SAMMSON: variants seen among roughly 807,000 people sequenced by gnomAD.
SAMMSON encodes survival associated mitochondrial melanoma specific oncogenic non-coding RNA.
intron 7 of SAMMSON, among the ~76,000 whole-genome samples, chr3:70,332,277 C>T (rs1702626293): frequency 6.6e-6 from 1 of 152,196 alleles, no homozygotes; most frequent in Non-Finnish European, 1.5e-5. Flanking sequence ...TTAGAACTCT[C>T]ACATAAACAG....
intron 9 of SAMMSON, among the ~76,000 whole-genome samples, chr3:70,376,538 A>T (rs1296161599): frequency 6.6e-6 from 1 of 152,118 alleles, no homozygotes; most frequent in African/African-American, 2.4e-5. Context: ...TTGTCATAGA[A>T]TGTTTTTTTA....
intron 3 of SAMMSON, among the ~76,000 whole-genome samples, chr3:70,060,107 A>G (rs2067182148): frequency 6.6e-6 from 1 of 152,102 alleles, no homozygotes. Flanking sequence ...GAAGAAGAAA[A>G]TTGGGATTTG....
intron 4 of SAMMSON, among the ~76,000 whole-genome samples, chr3:70,198,112 AG>A (rs978864160): frequency 6.6e-6 from 1 of 152,200 alleles, no homozygotes; most frequent in Non-Finnish European, 1.5e-5. Flanking sequence ...GCTTTGTAAA[AG>A]GGTAGGTAAG....
intron 9 of SAMMSON, among the ~76,000 whole-genome samples, chr3:70,374,077 G>C (rs1458331734): frequency 6.6e-6 from 1 of 152,132 alleles, no homozygotes; most frequent in Non-Finnish European, 1.5e-5. Flanking sequence ...ACCACACCCA[G>C]CTAATTTTGT....
At chr3:70,298,373 T>C (rs1354218366) in intron 7 of SAMMSON, among the ~76,000 whole-genome samples, 3 of 152,116 alleles carry the variant, frequency 2.0e-5, no homozygotes, top group African/African-American at 7.2e-5. Flanking sequence ...ATGTTTTTGT[T>C]TAGTTAGCCA....
Position 70,350,454 on chromosome 3 carries a change from T to C in SAMMSON, n.740-3721T>C, listed in dbSNP as rs1474192093. ...GGTATCTAAAATCTGAGTTTGTTTC[T>C]TGATATGTATTTAATAAATTATACT... On this transcript the variant is annotated intron_variant and non_coding_transcript_variant, in intron 7 of 9. Transcript: ENST00000642114. 4.6e-5 allele frequency among the ~76,000 whole-genome samples: 7 copies of C among 152,254 alleles called. No individual in the cohort carries two copies. The East Asian group carries it at 1.3e-3, about 29-fold the overall frequency.
At chr3:70,330,414 A>G (rs1393281590) in intron 7 of SAMMSON, among the ~76,000 whole-genome samples, 1 of 152,030 alleles carries the variant, frequency 6.6e-6, no homozygotes, top group Non-Finnish European at 1.5e-5. Context: ...CAGACAAGCT[A>G]TCTTTATCTA....
chr3:70,156,197 T>G (rs6419768), intron 4 of SAMMSON, among the ~76,000 whole-genome samples: 150,257 of 152,136 alleles, frequency 0.99, 74,229 homozygotes, highest in East Asian at 1. Flanking sequence ...TGAACTTCAA[T>G]GGTCGGATGA....
chr3:70,317,395 T>A (rs1374633597), intron 7 of SAMMSON, among the ~76,000 whole-genome samples: 1 of 152,008 alleles, frequency 6.6e-6, no homozygotes, highest in Non-Finnish European at 1.5e-5. Flanking sequence ...AAAGTATTTT[T>A]AATTAAGATA....
At chr3:70,413,269 T>C (rs887140492) in intron 2 of SAMMSON, among the ~76,000 whole-genome samples, 19 of 152,192 alleles carry the variant, frequency 1.2e-4, no homozygotes, top group Non-Finnish European at 4.4e-5. Flanking sequence ...TTATTTTTCC[T>C]ATATGTCAAG....
chr3:70,001,351 T>C (rs543075255), intron 1 of SAMMSON, among the ~76,000 whole-genome samples: 2 of 152,178 alleles, frequency 1.3e-5, no homozygotes, highest in South Asian at 4.1e-4. Flanking sequence ...TAAGACATAC[T>C]GTTAGTCATT....
intron 4 of SAMMSON, among the ~76,000 whole-genome samples, chr3:70,132,784 AG>A (rs769303687): frequency 0.26 from 31,141 of 119,808 alleles, 3,767 homozygotes; most frequent in East Asian, 0.63. Flanking sequence ...AAAAAAAAAA[AG>A]AAAAGAAAAA....
intron 7 of SAMMSON, among the ~76,000 whole-genome samples, chr3:70,295,622 G>A (rs968109121): frequency 6.6e-6 from 1 of 152,132 alleles, no homozygotes; most frequent in Non-Finnish European, 1.5e-5. Flanking sequence ...AGCCCAAGAG[G>A]TTGAGCCTGC....
At chr3:70,062,940 T>A (rs567519624) in intron 3 of SAMMSON, among the ~76,000 whole-genome samples, 2 of 152,108 alleles carry the variant, frequency 1.3e-5, no homozygotes, top group Non-Finnish European at 2.9e-5. Context: ...AATACAGTAT[T>A]CCAAAAATTT....
intron 7 of SAMMSON, among the ~76,000 whole-genome samples, chr3:70,345,674 C>T (rs530861726): frequency 6.6e-6 from 1 of 152,248 alleles, no homozygotes; most frequent in African/African-American, 2.4e-5. Context: ...ACCTCGGCAA[C>T]CATTAATCGG....
At chr3:69,999,730 AGCGGGCAGACACACT>A (rs1559768698), upstream of SAMMSON, 1 of 152,330 alleles carries the variant, frequency 6.6e-6, no homozygotes, top group Non-Finnish European at 1.5e-5. Context: ...CGCAGGCCCT[AGCGGGCAGACACACT>A]GAAGTCGCTA....
At chr3:70,337,145 TTATTA>T (rs1702670722) in intron 7 of SAMMSON, among the ~76,000 whole-genome samples, 1 of 67,736 alleles carries the variant, frequency 1.5e-5, no homozygotes, top group Non-Finnish European at 3.4e-5. Context: ...CTTAATATTA[TTATTA>T]ATAATAATAT....
intron 7 of SAMMSON, among the ~76,000 whole-genome samples, chr3:70,303,263 G>A (rs1030708206): frequency 6.6e-6 from 1 of 152,096 alleles, no homozygotes; most frequent in African/African-American, 2.4e-5. Context: ...TCCCTCTGAA[G>A]AAGCATCTAC....
chr3:70,412,575 G>C (rs955446008), intron 2 of SAMMSON, among the ~76,000 whole-genome samples: 2 of 152,108 alleles, frequency 1.3e-5, no homozygotes, highest in Non-Finnish European at 2.9e-5. Context: ...ATGCTTTCTG[G>C]GTTATGATGA....
Sources: allele counts gnomAD v4.1 joint callset (sites outside exome capture counted in the v4.1 genomes callset), GRCh38; gene constraint gnomAD v4.1.1; transcripts MANE v1.5; gene names NCBI Gene and HGNC (gene_info 2026-07-23, HGNC 2026-07-21).